The following IFT81 variants were observed in gnomAD, a reference collection of about 807,000 sequenced individuals.
IFT81 encodes intraflagellar transport protein 81 homolog.
In IFT81, 72 loss-of-function variants were observed where a neutral mutation model predicts 102.6. That is an observed-to-expected ratio of 0.70 (90% CI 0.58 to 0.85). The LOEUF is 0.85. Ranked by LOEUF, IFT81 falls within the 40% of genes least tolerant of loss-of-function variation. IFT81 has a pLI of 0.00. For synonymous variants in IFT81, 237 were observed against 242.7 expected, an observed-to-expected ratio of 0.98 and a Z score of 0.22; for missense variants, 723 against 787.3, an observed-to-expected ratio of 0.92 and a Z score of 0.98.
intron 11 of IFT81, among the ~76,000 whole-genome samples, 198 bp from the exon 12 acceptor site, chr12:110,180,224 A>G (rs1424047097): frequency 6.6e-6 from 1 of 150,414 alleles, no homozygotes; most frequent in Non-Finnish European, 1.5e-5. Flanking sequence ...GAAGTTTTAT[A>G]ATAAAACTAA....
At position 110,134,932 on chromosome 12, in the gene IFT81, C is replaced by G; in HGVS notation, c.520-16C>G. 2.5e-6 allele frequency: 4 copies of G among 1,600,884 alleles called. No individual in the cohort carries two copies. Among genetic ancestry groups the G allele is most frequent in the Non-Finnish European group, 3.4e-6 (4 of 1,173,360 alleles). ...AGAATACTTTTTCTTATAAGGTCTT[C>G]TTTGCCACTTTTTAGGATATCAGTG... On this transcript the variant is annotated splice_polypyrimidine_tract_variant and intron_variant, in intron 5 of 18. Coordinates refer to ENST00000242591, the MANE Select transcript of IFT81 (RefSeq NM_014055.4).
chr12:110,198,054 TG>T (rs1239291219), intron 14 of IFT81, among the ~76,000 whole-genome samples: 1 of 152,226 alleles, frequency 6.6e-6, no homozygotes, highest in Non-Finnish European at 1.5e-5. Flanking sequence ...GTTGTTATGG[TG>T]GTTGTTAGTA....
At chr12:110,160,492 G>A (rs1048872479) in intron 10 of IFT81, among the ~76,000 whole-genome samples, 5 of 152,202 alleles carry the variant, frequency 3.3e-5, no homozygotes, top group African/African-American at 9.7e-5. Context: ...AGCGAGCAAA[G>A]CTATCCCACC....
intron 11 of IFT81, among the ~76,000 whole-genome samples, chr12:110,173,534 G>A (rs542261068): frequency 7.2e-5 from 11 of 152,344 alleles, no homozygotes; most frequent in African/African-American, 2.6e-4. Flanking sequence ...GGGGAAAGGT[G>A]GGGAAAAGAT....
chr12:110,140,203 A>G (rs139145590), intron 8 of IFT81, among the ~76,000 whole-genome samples: 6 of 152,288 alleles, frequency 3.9e-5, no homozygotes, highest in East Asian at 3.9e-4. Flanking sequence ...TGCTGCACCT[A>G]TCAACCTGTC....
rs201241877 is a variant in IFT81 at position 110,218,217 on chromosome 12, A to C, written c.2022A>C (p.Leu674=). 1 of 1,533,552 alleles carries C rather than the reference A, an allele frequency of 6.5e-7. No individual in the cohort carries two copies. The highest frequency in any genetic ancestry group is 8.7e-7 in the Non-Finnish European group (1 of 1,147,710). 95.0% of individuals were successfully genotyped at this position (1,533,552 alleles called of 1,614,324 possible). ...TTCAGGAGGGTGGGGAGGACCGGCT[A>C]ATACTGTGAATTCTTGTGTCATCGT... ...QVIQEGGEDR[L]IL is the part of the protein sequence containing the mutation. The change falls in exon 19 of 19, where the codon CTA becomes CTC. Residue 674 remains leucine, a synonymous_variant. Transcript: ENST00000242591.
intron 11 of IFT81, among the ~76,000 whole-genome samples, chr12:110,163,675 G>T (rs1336895868): frequency 6.6e-6 from 1 of 150,758 alleles, no homozygotes; most frequent in African/African-American, 2.4e-5. Flanking sequence ...GAGTGCAGTG[G>T]CGCGATCTTG....
At chr12:110,165,709 A>G (rs1246383921) in intron 11 of IFT81, among the ~76,000 whole-genome samples, 4 of 152,222 alleles carry the variant, frequency 2.6e-5, no homozygotes, top group East Asian at 1.9e-4. Flanking sequence ...AGTTTCACAC[A>G]GCTAGTAAGT....
intron 1 of IFT81, among the ~76,000 whole-genome samples, chr12:110,125,584 C>T (rs1439609884): frequency 4.0e-5 from 6 of 151,890 alleles, no homozygotes; most frequent in Non-Finnish European, 1.5e-5. Context: ...TAGTAGAGAC[C>T]GGGTTTCACC....
At chr12:110,139,349 A>AG (rs895858466) in intron 8 of IFT81, among the ~76,000 whole-genome samples, 36 of 148,016 alleles carry the variant, frequency 2.4e-4, no homozygotes, top group Non-Finnish European at 4.7e-4. Context: ...AAAAAAAAAA[A>AG]AAAAAAGAAA....
intron 18 of IFT81, among the ~76,000 whole-genome samples, chr12:110,213,657 G>A (rs920852371): frequency 1.3e-5 from 2 of 152,078 alleles, no homozygotes; most frequent in African/African-American, 4.8e-5. Context: ...TACTTACCCT[G>A]AGTTACATTC....
At chr12:110,209,281 G>A (rs1869095919) in intron 18 of IFT81, 65 bp downstream of exon 18, 3 of 676,738 alleles carry the variant, frequency 4.4e-6, no homozygotes, top group Non-Finnish European at 7.4e-6. Flanking sequence ...ACTGTACATG[G>A]TTTATGACTG....
At chr12:110,188,414 C>T (rs1416488537) in intron 12 of IFT81, among the ~76,000 whole-genome samples, 1 of 151,464 alleles carries the variant, frequency 6.6e-6, no homozygotes, top group East Asian at 1.9e-4. Flanking sequence ...TTGTGCATAT[C>T]CTAAGATTTG....
intron 18 of IFT81, among the ~76,000 whole-genome samples, chr12:110,214,528 C>G (rs1259010229): frequency 6.6e-6 from 1 of 152,068 alleles, no homozygotes; most frequent in South Asian, 2.1e-4. Context: ...GAGTTTCCCC[C>G]CTTCTATACC....
intron 1 of IFT81, among the ~76,000 whole-genome samples, chr12:110,125,433 C>T (rs911969896): frequency 2.0e-5 from 3 of 152,148 alleles, no homozygotes; most frequent in African/African-American, 7.2e-5. Context: ...CTCTCTCTGT[C>T]CCCCAGGCTG....
intron 11 of IFT81, among the ~76,000 whole-genome samples, chr12:110,179,724 T>TTATATATA (rs751481208): frequency 2.5e-4 from 12 of 48,696 alleles, no homozygotes; most frequent in South Asian, 1.4e-3. Flanking sequence ...TATCTCGAAA[T>TTATATATA]TATATATATA....
rs551398759 is a variant in IFT81 at position 110,139,665 on chromosome 12, T to C, written c.781+2805T>C. 1.9e-3 allele frequency among the ~76,000 whole-genome samples: 290 copies of C among 151,282 alleles called. 1 individual carries two copies. Among genetic ancestry groups the C allele is most frequent in the Non-Finnish European group, 3.3e-3 (227 of 67,882 alleles). ...GGCGGGTGCCTGTAGTCCCAGCTAC[T>C]TAGGAGGCTGAGGCAGGAGAATGGC... is the stretch of plus-strand genomic sequence containing the variant. On this transcript the variant is annotated intron_variant, in intron 8 of 18. Transcript: ENST00000242591.
chr12:110,216,677 A>G, intron 18 of IFT81: 1 of 432,438 alleles, frequency 2.3e-6, no homozygotes, highest in Non-Finnish European at 4.6e-6. Context: ...TGTCCGGCTA[A>G]TTTTTGTATT....
intron 1 of IFT81, among the ~76,000 whole-genome samples, chr12:110,127,148 T>A (rs1893893843): frequency 6.6e-6 from 1 of 152,190 alleles, no homozygotes; most frequent in Non-Finnish European, 1.5e-5. Flanking sequence ...ATACAAAGCA[T>A]TTGATGTTAA....
Sources: allele counts gnomAD v4.1 joint callset (sites outside exome capture counted in the v4.1 genomes callset), GRCh38; gene constraint gnomAD v4.1.1; transcripts MANE v1.5; gene names NCBI Gene and HGNC (gene_info 2026-07-23, HGNC 2026-07-21).